Variants in FETUB observed in about 807,000 individuals in gnomAD.
The protein encoded by FETUB is fetuin B.
In FETUB, 28 loss-of-function variants were observed where a neutral mutation model predicts 30.9. The ratio of observed to expected loss-of-function variants is 0.90; its 90% confidence interval spans 0.67 to 1.24. The LOEUF (loss-of-function observed/expected upper bound fraction) is 1.24. FETUB is among the 50% of genes most tolerant of loss of function. The pLI, the probability that FETUB is intolerant of heterozygous loss-of-function variation, is 0.00. For synonymous variants in FETUB, 186 were observed against 175.9 expected (o/e 1.06, Z -0.45); for missense variants, 469 against 455.3 (o/e 1.03, Z -0.27).
chr3:186,650,059 C>G (rs934714922), intron 5 of FETUB, among the ~76,000 whole-genome samples: 1 of 150,510 alleles, frequency 6.6e-6, no homozygotes, highest in Non-Finnish European at 1.5e-5. Flanking sequence ...ATCTAACCAT[C>G]CATTGATGGA....
At chr3:186,639,655 T>A (rs1470794069), upstream of FETUB, among the ~76,000 whole-genome samples, 37 of 129,392 alleles carry the variant, frequency 2.9e-4, no homozygotes, top group East Asian at 4.4e-4. Context: ...AAATAGAAGC[T>A]AAAAAAAAAA....
intron 5 of FETUB, among the ~76,000 whole-genome samples, chr3:186,649,700 A>G (rs1433583438): frequency 6.6e-6 from 1 of 152,032 alleles, no homozygotes; most frequent in Non-Finnish European, 1.5e-5. Flanking sequence ...CGAACTCCTA[A>G]CCTCAAGTGA....
intron 5 of FETUB, 30 bp downstream of exon 5, chr3:186,646,379 G>A (rs762685404): frequency 6.8e-7 from 1 of 1,475,554 alleles, no homozygotes; most frequent in South Asian, 1.1e-5. Flanking sequence ...TTCATAATTT[G>A]AGTGTTCACA....
Position 186,640,496 on chromosome 3 carries a change from A to C in FETUB, c.36A>C (p.Leu12=). The change falls in exon 1 of 7, where the codon CTA becomes CTC. Residue 12 remains leucine, a synonymous_variant. Transcript: ENST00000265029. ...GLLLPLALCI[L]VLCCGAMSPP... ...TCCTTCCCCTGGCACTCTGCATCCT[A>C]GTCCTGTGCTGCGGAGCAATGTCTC... The C allele has an allele frequency of 6.2e-7, 1 of 1,614,052 alleles. No homozygotes were observed. Among genetic ancestry groups the C allele is most frequent in the Non-Finnish European group, 8.5e-7 (1 of 1,179,998 alleles).
chr3:186,641,133 T>C lies in FETUB; in HGVS notation c.329T>C (p.Phe110Ser), dbSNP rs767551560. The change falls in exon 2 of 7, where the codon TTT becomes TCT. Residue 110 changes from phenylalanine (F) to serine (S), a missense_variant. Phe to Ser is a radical substitution (Grantham distance 155). Transcript: ENST00000265029. Reference protein sequence around the residue: ...AWQDCGMRIFFESVYGQCKAI... With the variant: ...AWQDCGMRIFSESVYGQCKAI... ...CAAGACTGTGGAATGAGGATATTTT[T>C]TGAATCAGTGAGTGCTTGTTTTTAT... 2.5e-6 allele frequency: 4 copies of C among 1,606,620 alleles called. No homozygotes were observed. The highest frequency in any genetic ancestry group is 3.4e-6 in the Non-Finnish European group (4 of 1,173,662).
At chr3:186,643,399 T>A (rs1308540778) in intron 3 of FETUB, among the ~76,000 whole-genome samples, 2 of 152,140 alleles carry the variant, frequency 1.3e-5, no homozygotes, top group Non-Finnish European at 2.9e-5. Context: ...CAGAATTTGG[T>A]CCCCTGTCGA....
rs986451902 is a variant in FETUB, at chr3:186,652,757, T to C, written c.*126T>C. On this transcript the variant is annotated 3_prime_UTR_variant, in exon 7 of 7. Transcript: ENST00000265029. Reference sequence around the variant, plus strand: ...GTGAAGGACGCCTTTTTGACTCTTCTTGGTCTCAGCATGTTGACTGGGATT... The same window carrying C: ...GTGAAGGACGCCTTTTTGACTCTTCCTGGTCTCAGCATGTTGACTGGGATT... The C allele has an allele frequency of 6.9e-6, 8 of 1,159,396 alleles. No homozygotes were observed. Among genetic ancestry groups the C allele is most frequent in the Non-Finnish European group, 9.5e-6 (8 of 845,114 alleles). 71.8% of individuals were successfully genotyped at this position (1,159,396 alleles called of 1,614,324 possible). A position where few individuals can be genotyped will look rare whatever the true frequency, so the allele number is the denominator to read the frequency against.
chr3:186,637,150 G>A (rs1039840646), upstream of FETUB, among the ~76,000 whole-genome samples: 3 of 152,212 alleles, frequency 2.0e-5, no homozygotes, highest in African/African-American at 4.8e-5. Flanking sequence ...AAGGAACACA[G>A]AGTGTTTAGC....
At chr3:186,650,640 A>G (rs1717949451) in intron 5 of FETUB, among the ~76,000 whole-genome samples, 1 of 152,188 alleles carries the variant, frequency 6.6e-6, no homozygotes, top group Admixed American at 6.5e-5. Flanking sequence ...AGAAAAATGT[A>G]TATGCATAGA....
upstream of FETUB, among the ~76,000 whole-genome samples, chr3:186,637,307 G>A (rs1040359467): frequency 3.3e-5 from 5 of 152,152 alleles, no homozygotes; most frequent in African/African-American, 1.2e-4. Flanking sequence ...ACAGCAACTA[G>A]CTGTAGAGAC....
At chr3:186,639,774 C>G (rs1167666225), upstream of FETUB, among the ~76,000 whole-genome samples, 1 of 151,960 alleles carries the variant, frequency 6.6e-6, no homozygotes, top group Non-Finnish European at 1.5e-5. Context: ...GAGCTTGCTT[C>G]CATACATATG....
intron 4 of FETUB, 22 bp downstream of exon 4, chr3:186,644,942 C>A: frequency 6.3e-7 from 1 of 1,590,872 alleles, no homozygotes; most frequent in Non-Finnish European, 8.6e-7. Context: ...ACTGCCCAAG[C>A]CAGTTACACA....
intron 6 of FETUB, 110 bp from the exon 7 acceptor site, chr3:186,652,153 G>A: frequency 7.8e-7 from 1 of 1,282,840 alleles, no homozygotes; most frequent in Non-Finnish European, 1.1e-6. Context: ...CCTCTACCTA[G>A]TCTCCCTTTG....
At position 186,646,365 on chromosome 3, in the gene FETUB, T is replaced by C. The variant is rs747718049; in HGVS notation, c.696+16T>C. 3 of 1,569,378 alleles carry C rather than the reference T, an allele frequency of 1.9e-6. No homozygotes were observed. The highest frequency in any genetic ancestry group is 2.6e-6 in the Non-Finnish European group (3 of 1,139,500). On this transcript the variant is annotated intron_variant, in intron 5 of 6. Transcript: ENST00000265029. The stretch of plus-strand genomic sequence containing the variant: ...CGACTCTGTGGTGAGTTTTCCTGAA[T>C]GTCTTCATAATTTGAGTGTTCACAG...
intron 5 of FETUB, 47 bp downstream of exon 5, chr3:186,646,396 C>A: frequency 1.5e-6 from 2 of 1,359,900 alleles, no homozygotes; most frequent in Middle Eastern, 1.8e-4. Flanking sequence ...CACAGATCAT[C>A]TCTAAGTGTT....
In FETUB at chr3:186,652,884, A is replaced by G. The variant is rs1718184977; in HGVS notation, c.*253A>G. 2 of 378,244 alleles carry G rather than the reference A, an allele frequency of 5.3e-6. No homozygotes were observed. Among genetic ancestry groups the G allele is most frequent in the Admixed American group, 8.2e-5 (2 of 24,306 alleles). 23.4% of individuals were successfully genotyped at this position (378,244 alleles called of 1,614,324 possible). A position where few individuals can be genotyped will look rare whatever the true frequency, so the allele number is the denominator to read the frequency against. ...CTCCTAAACTGAGCAGTCTCATACC[A>G]TGGAGAGATGCCTCTCTTATGTCTT... On this transcript the variant is annotated 3_prime_UTR_variant, in exon 7 of 7. Coordinates refer to ENST00000265029, the MANE Select transcript of FETUB (RefSeq NM_014375.3).
chr3:186,646,599 T>G (rs1174719784), intron 5 of FETUB, among the ~76,000 whole-genome samples: 1 of 152,230 alleles, frequency 6.6e-6, no homozygotes, highest in Non-Finnish European at 1.5e-5. Context: ...GTAATGGCCC[T>G]GCTTCAGTCT....
At chr3:186,648,494 T>C (rs1717733179) in intron 5 of FETUB, among the ~76,000 whole-genome samples, 1 of 152,248 alleles carries the variant, frequency 6.6e-6, no homozygotes, top group Non-Finnish European at 1.5e-5. Context: ...ATTCTCATGC[T>C]GATTTTAGGA....
In FETUB at chr3:186,640,705, A is replaced by C; in HGVS notation, c.225+20A>C. The C allele has an allele frequency of 6.3e-7, 1 of 1,597,882 alleles. No homozygotes were observed. Among genetic ancestry groups the C allele is most frequent in the African/African-American group, 1.3e-5 (1 of 74,554 alleles). On this transcript the variant is annotated intron_variant, in intron 1 of 6. Coordinates refer to ENST00000265029, the MANE Select transcript of FETUB (RefSeq NM_014375.3). ...AGACGGGCAAGTAGGGACAGTTCCC[A>C]CTCTGGGGCAGGGATGTGGGCAAGC...
Sources: allele counts gnomAD v4.1 joint callset (sites outside exome capture counted in the v4.1 genomes callset), GRCh38; gene constraint gnomAD v4.1.1; transcripts MANE v1.5; gene names NCBI Gene and HGNC (gene_info 2026-07-23, HGNC 2026-07-21).